Variants in TRERF1 observed in about 807,000 individuals in gnomAD.
TRERF1 encodes transcriptional-regulating factor 1.
TRERF1 carries 27 observed loss-of-function variants against 122.9 expected under a neutral mutation model. The ratio of observed to expected loss-of-function variants is 0.22; its 90% CI spans 0.16 to 0.30. The LOEUF is 0.30. TRERF1 is among the 10% of genes least tolerant of loss of function. The probability of loss-of-function intolerance (pLI) is 1.00; values close to 1 mark genes in which losing one functional copy is unlikely to be tolerated. For missense variants in TRERF1, 1,248 were observed against 1,560.3 expected, an observed-to-expected ratio of 0.80 and a Z score of 3.37; for synonymous variants, 636 against 641.7, an observed-to-expected ratio of 0.99 and a Z score of 0.13.
rs750472878 is a variant in TRERF1 at position 42,259,490 on chromosome 6, G to C, written c.2118C>G (p.Pro706=). 21 of 1,611,086 alleles carry C rather than the reference G, an allele frequency of 1.3e-5. No individual in the cohort carries two copies. In the Admixed American group the frequency reaches 2.2e-4, roughly 17 times the overall value. The change falls in exon 9 of 18, where the codon CCC becomes CCG. Residue 706 remains proline, a synonymous_variant. Coordinates refer to ENST00000372922, the Ensembl canonical transcript of TRERF1. This position sits in a 1 kb window ranked among gnomAD's most constrained non-coding sequence, Gnocchi z 4.9. ...TCAGCATGGGTGGGGGCGTGTAAGG[G>C]GGCAGCTCGTGGGTGGGGTCCAGGA...
At chr6:42,412,353 C>G (rs1377270268) in intron 2 of TRERF1, among the ~76,000 whole-genome samples, 2 of 152,156 alleles carry the variant, frequency 1.3e-5, no homozygotes, top group Non-Finnish European at 2.9e-5. Context: ...AGAGAAATTT[C>G]TCTAGTAATG....
At chr6:42,417,741 C>T (rs1054182834) in intron 2 of TRERF1, among the ~76,000 whole-genome samples, 2 of 152,236 alleles carry the variant, frequency 1.3e-5, no homozygotes, top group African/African-American at 4.8e-5. Context: ...ACACAGCAGA[C>T]AACCAGAGCC....
chr6:42,311,765 CAAAAAAAAAAAAAA>C (rs10530333), intron 3 of TRERF1, among the ~76,000 whole-genome samples: 2,474 of 34,748 alleles, frequency 0.071, 112 homozygotes, highest in African/African-American at 0.19. Flanking sequence ...GACTCCGTCT[CAAAAAAAAAAAAAA>C]AAAAAAAAAA....
At chr6:42,255,970 A>C (rs1195335994) in intron 12 of TRERF1, among the ~76,000 whole-genome samples, 1 of 151,986 alleles carries the variant, frequency 6.6e-6, no homozygotes, top group Non-Finnish European at 1.5e-5. Context: ...ATCTCTACTG[A>C]AAATACAAAA....
chr6:42,380,981 C>A (rs151127688), intron 2 of TRERF1, among the ~76,000 whole-genome samples: 1 of 152,326 alleles, frequency 6.6e-6, no homozygotes, highest in East Asian at 1.9e-4. Context: ...TTGTATCACA[C>A]ATCATCAAAC....
At chr6:42,374,889 T>C (rs1039274996) in intron 2 of TRERF1, among the ~76,000 whole-genome samples, 2 of 151,176 alleles carry the variant, frequency 1.3e-5, no homozygotes, top group Non-Finnish European at 1.5e-5. Context: ...CGTGCACCTG[T>C]GGTCCCAGCT....
intron 3 of TRERF1, among the ~76,000 whole-genome samples, chr6:42,325,189 T>A (rs116133659): frequency 0.018 from 2,769 of 152,106 alleles, 32 homozygotes; most frequent in Non-Finnish European, 0.027. Context: ...GAAATGCAAA[T>A]CAAAGCTATA....
At chr6:42,343,260 T>C (rs1767632566) in intron 3 of TRERF1, among the ~76,000 whole-genome samples, 1 of 152,218 alleles carries the variant, frequency 6.6e-6, no homozygotes, top group South Asian at 2.1e-4. Flanking sequence ...TCTAAAGGTT[T>C]GCTTAAAAGT....
At chr6:42,305,161 A>G (rs1034208065) in intron 3 of TRERF1, among the ~76,000 whole-genome samples, 1 of 152,224 alleles carries the variant, frequency 6.6e-6, no homozygotes, top group African/African-American at 2.4e-5. Flanking sequence ...GCCCAAGGCC[A>G]CAGAACTGAG....
intron 2 of TRERF1, among the ~76,000 whole-genome samples, chr6:42,421,738 C>T (rs769536188): frequency 3.3e-5 from 5 of 151,972 alleles, no homozygotes; most frequent in Admixed American, 1.3e-4. Flanking sequence ...CGTGCAGTTA[C>T]ACTCCAGCCT....
chr6:42,247,103 G>A (rs1774941915), intron 13 of TRERF1, among the ~76,000 whole-genome samples: 1 of 152,174 alleles, frequency 6.6e-6, no homozygotes, highest in Non-Finnish European at 1.5e-5. Context: ...GCACAAAGGA[G>A]AAACACCACA....
At chr6:42,329,054 T>C (rs1176963805) in intron 3 of TRERF1, among the ~76,000 whole-genome samples, 1 of 152,142 alleles carries the variant, frequency 6.6e-6, no homozygotes, top group Non-Finnish European at 1.5e-5. Context: ...TTTGAGGCTA[T>C]TCTGTGCTGT....
intron 3 of TRERF1, among the ~76,000 whole-genome samples, chr6:42,312,471 C>T (rs1002562810): frequency 5.9e-5 from 9 of 152,184 alleles, no homozygotes; most frequent in Admixed American, 5.2e-4. Context: ...CCCCCTGTGC[C>T]GCTTACAAAA....
chr6:42,423,230 C>T (rs201411084), intron 2 of TRERF1, among the ~76,000 whole-genome samples: 6 of 152,224 alleles, frequency 3.9e-5, no homozygotes, highest in Non-Finnish European at 8.8e-5. Context: ...TAACTCTACT[C>T]GAAAAGCTGG....
At chr6:42,289,339 C>T (rs886592105) in intron 4 of TRERF1, among the ~76,000 whole-genome samples, 1 of 130,322 alleles carries the variant, frequency 7.7e-6, no homozygotes, top group African/African-American at 3.2e-5. Context: ...TCAAAAAAAA[C>T]AAACAAACAA....
intron 12 of TRERF1, 110 bp downstream of exon 12, chr6:42,256,618 C>T (rs2149746311): frequency 1.1e-6 from 1 of 874,064 alleles, no homozygotes; most frequent in East Asian, 2.5e-5. Context: ...GATTGGTCAT[C>T]ATGCGCCGAT....
Position 42,318,180 on chromosome 6 carries a change from A to C in TRERF1, c.-370-17431T>G, listed in dbSNP as rs1180678211. 1.3e-5 allele frequency among the ~76,000 whole-genome samples: 2 copies of C among 152,148 alleles called. 1 individual carries two copies. The highest frequency in any genetic ancestry group is 2.9e-5 in the Non-Finnish European group (2 of 68,018). On this transcript the variant is annotated intron_variant, in intron 3 of 17. Transcript: ENST00000372922. Reference sequence around the variant, plus strand: ...AAAAAAAAAAAAAAGCTCTTTGTAAATACTAGTTTTAACCATTGAATAATA... The same window carrying C: ...AAAAAAAAAAAAAAGCTCTTTGTAACTACTAGTTTTAACCATTGAATAATA...
intron 14 of TRERF1, among the ~76,000 whole-genome samples, chr6:42,244,032 C>T (rs1774288004): frequency 6.6e-6 from 1 of 151,910 alleles, no homozygotes; most frequent in African/African-American, 2.4e-5. Context: ...GCACCCGCCA[C>T]CGCACCTGGC....
At chr6:42,251,332 T>C (rs575189046) in intron 13 of TRERF1, among the ~76,000 whole-genome samples, 43 of 152,294 alleles carry the variant, frequency 2.8e-4, no homozygotes, top group African/African-American at 9.6e-4. Context: ...AAGACAGACA[T>C]GTTCATTGCA....
Sources: allele counts gnomAD v4.1 joint callset (sites outside exome capture counted in the v4.1 genomes callset), GRCh38; gene constraint gnomAD v4.1.1; non-coding constraint Gnocchi (gnomAD v3.1); transcripts MANE v1.5; gene names NCBI Gene and HGNC (gene_info 2026-07-23, HGNC 2026-07-21).